The following LPCAT1 variants were observed in gnomAD, a reference collection of about 807,000 sequenced individuals.
LPCAT1 encodes the protein lysophosphatidylcholine acyltransferase 1.
In LPCAT1, 23 loss-of-function variants were observed where a neutral mutation model predicts 60.9. That is an observed-to-expected ratio of 0.38 (90% CI 0.27 to 0.53). The LOEUF is 0.53. LPCAT1 is among the 20% of genes least tolerant of loss of function. The pLI is 0.82. For synonymous variants in LPCAT1, 340 were observed against 301.1 expected (o/e 1.13, Z -1.34); for missense variants, 622 against 723.6 (o/e 0.86, Z 1.61).
At chr5:1,473,108 TG>T (rs1357403906) in intron 11 of LPCAT1, among the ~76,000 whole-genome samples, 3 of 152,122 alleles carry the variant, frequency 2.0e-5, no homozygotes, top group African/African-American at 7.2e-5. Context: ...GCTCCTCACC[TG>T]CTCTCTGGCC....
chr5:1,499,519 T>G (rs1014368414), intron 2 of LPCAT1, among the ~76,000 whole-genome samples: 3 of 152,232 alleles, frequency 2.0e-5, no homozygotes, highest in Non-Finnish European at 4.4e-5. Context: ...GATACCCAAT[T>G]CCTATTTTAT....
At chr5:1,468,205 T>C (rs1378621866) in intron 12 of LPCAT1, among the ~76,000 whole-genome samples, 1 of 152,146 alleles carries the variant, frequency 6.6e-6, no homozygotes, top group Non-Finnish European at 1.5e-5. Context: ...GACCCCATCC[T>C]CACCCTCCAC....
intron 5 of LPCAT1, among the ~76,000 whole-genome samples, chr5:1,486,199 G>A (rs1250564439): frequency 6.6e-6 from 1 of 152,188 alleles, no homozygotes; most frequent in Admixed American, 6.5e-5. Flanking sequence ...GCAGAGCCCT[G>A]AGGGTCCCAG....
rs1391226542 is a variant in LPCAT1, at chr5:1,502,219, C to T, written c.136-616G>A. Among the ~76,000 whole-genome samples the T allele has an allele frequency of 6.6e-6, 1 of 152,162 alleles. No individual in the cohort carries two copies. Among genetic ancestry groups the T allele is most frequent in the Admixed American group, 6.5e-5 (1 of 15,286 alleles). On this transcript the variant is annotated intron_variant, in intron 1 of 13. Coordinates refer to ENST00000283415, the MANE Select transcript of LPCAT1 (RefSeq NM_024830.5). This position sits in a 1 kb window ranked among gnomAD's most constrained non-coding sequence, Gnocchi z 5.5. The stretch of plus-strand genomic sequence containing the variant: ...CCACTCTGACGCACAGCACACAACC[C>T]CAGGCAGCTCCACCCCGCAGGACGC...
At chr5:1,520,860 CAAAAAAAAAAAAAA>C (rs59074953) in intron 1 of LPCAT1, among the ~76,000 whole-genome samples, 3 of 82,046 alleles carry the variant, frequency 3.7e-5, no homozygotes, top group Non-Finnish European at 6.9e-5. Context: ...GAGACTGTCT[CAAAAAAAAAAAAAA>C]AAAAAGAAAA....
chr5:1,501,266 G>T (rs1234917371), intron 2 of LPCAT1, among the ~76,000 whole-genome samples, 195 bp downstream of exon 2: 1 of 152,178 alleles, frequency 6.6e-6, no homozygotes, highest in Non-Finnish European at 1.5e-5. Flanking sequence ...CTGTGGCGGA[G>T]GCGTGGAAGA....
At position 1,468,104 on chromosome 5, in the gene LPCAT1, C is replaced by T. The variant is rs1008391916; in HGVS notation, c.1279-1214G>A. On this transcript the variant is annotated intron_variant, in intron 12 of 13. Transcript: ENST00000283415. ...AGGGAAGAAACGCTGACGCCTCCAG[C>T]CTTCCGGCCTGGCAAGCTGTCCCCG... 2.0e-5 allele frequency among the ~76,000 whole-genome samples: 3 copies of T among 152,172 alleles called. No individual in the cohort carries two copies. The East Asian group carries it at 5.8e-4, about 29-fold the overall frequency.
At chr5:1,465,072 C>T (rs920396860) in intron 13 of LPCAT1, among the ~76,000 whole-genome samples, 7 of 121,766 alleles carry the variant, frequency 5.7e-5, no homozygotes, top group African/African-American at 1.9e-4. Flanking sequence ...CACGCACACA[C>T]ACGGTAACAC....
At chr5:1,517,786 C>T (rs545058711) in intron 1 of LPCAT1, among the ~76,000 whole-genome samples, 4 of 152,276 alleles carry the variant, frequency 2.6e-5, no homozygotes, top group African/African-American at 4.8e-5. Flanking sequence ...ACAGAGGCGA[C>T]GTGTCAAATT....
chr5:1,504,857 C>T lies in LPCAT1; in HGVS notation c.136-3254G>A, dbSNP rs75579499. Among the ~76,000 whole-genome samples, 726 of 148,858 alleles carry T rather than the reference C, an allele frequency of 4.9e-3. 5 individuals are homozygous for T. The highest frequency in any genetic ancestry group is 7.3e-3 in the Non-Finnish European group (477 of 65,716). ...TAAGAGAAAGTCTCAGGAAGTTCCCCGGTCTGACCCTGGGGCCACGGCAGC... is the reference window on the plus strand; with the variant it reads ...TAAGAGAAAGTCTCAGGAAGTTCCCTGGTCTGACCCTGGGGCCACGGCAGC... On this transcript the variant is annotated intron_variant, in intron 1 of 13. Transcript: ENST00000283415.
rs1210719569 is a variant in LPCAT1, at chr5:1,496,430, A to G, written c.279-1516T>C. Among the ~76,000 whole-genome samples the G allele has an allele frequency of 6.6e-6, 1 of 151,928 alleles. No individual in the cohort carries two copies. Among genetic ancestry groups the G allele is most frequent in the East Asian group, 1.9e-4 (1 of 5,198 alleles). On this transcript the variant is annotated intron_variant, in intron 2 of 13. Coordinates refer to ENST00000283415, the MANE Select transcript of LPCAT1 (RefSeq NM_024830.5). The surrounding 1 kb of genome is among the most constrained non-coding windows in gnomAD (Gnocchi z 4.7). ...TGTTATTTTCCACAAAAAAAAAAAA[A>G]AAGTACAAAAACAAAAGCCAAAAGA... is the stretch of plus-strand genomic sequence containing the variant.
chr5:1,479,514 C>A (rs1735047682), intron 8 of LPCAT1, 107 bp downstream of exon 8: 1 of 822,736 alleles, frequency 1.2e-6, no homozygotes, highest in Non-Finnish European at 2.1e-6. Flanking sequence ...GAAAGCAAGA[C>A]AGGTGATATG....
rs988256253 is a variant in LPCAT1 at position 1,480,146 on chromosome 5, G to A, written c.762-471C>T. Reference sequence around the variant, plus strand: ...CTCCCAGGGCCACACTCACGCCTCCGACAGCCCAGTGCCCCAACCCTCTTT... The same window carrying A: ...CTCCCAGGGCCACACTCACGCCTCCAACAGCCCAGTGCCCCAACCCTCTTT... On this transcript the variant is annotated intron_variant, in intron 7 of 13. Transcript: ENST00000283415. The surrounding 1 kb of genome is among the most constrained non-coding windows in gnomAD (Gnocchi z 6.4). Among the ~76,000 whole-genome samples, 1 of 151,652 alleles carries A rather than the reference G, an allele frequency of 6.6e-6. No individual in the cohort carries two copies. Among genetic ancestry groups the A allele is most frequent in the Non-Finnish European group, 1.5e-5 (1 of 67,924 alleles).
At chr5:1,512,425 T>C (rs1579813604) in intron 1 of LPCAT1, among the ~76,000 whole-genome samples, 2 of 152,204 alleles carry the variant, frequency 1.3e-5, no homozygotes, top group South Asian at 2.1e-4. Flanking sequence ...AAGCACCCAG[T>C]GTCCATGCTT....
chr5:1,518,393 T>C lies in LPCAT1; in HGVS notation c.135+5317A>G, dbSNP rs1397822905. The stretch of plus-strand genomic sequence containing the variant: ...TCCGGCTCTGTCGCCCAGGCTGGAG[T>C]GCAGTGGTGCGATCTCCGCTCACTG... On this transcript the variant is annotated intron_variant, in intron 1 of 13. Coordinates refer to ENST00000283415, the MANE Select transcript of LPCAT1 (RefSeq NM_024830.5). 2.0e-5 allele frequency among the ~76,000 whole-genome samples: 3 copies of C among 152,298 alleles called. No individual in the cohort carries two copies. The East Asian group carries it at 5.8e-4, about 29-fold the overall frequency.
chr5:1,465,733 GAAAC>G (rs750903293), intron 13 of LPCAT1, among the ~76,000 whole-genome samples: 36 of 151,952 alleles, frequency 2.4e-4, no homozygotes, highest in Non-Finnish European at 7.4e-5. Flanking sequence ...TTTCAATACT[GAAAC>G]AAGCATGCAC....
Position 1,523,370 on chromosome 5 carries a change from G to A in LPCAT1, c.135+340C>T, listed in dbSNP as rs1031574202. 5.3e-5 allele frequency among the ~76,000 whole-genome samples: 8 copies of A among 151,846 alleles called. No homozygotes were observed. The highest frequency in any genetic ancestry group is 1.2e-4 in the Non-Finnish European group (8 of 67,910). ...CCGCGGGAGCCGAGGTCGGGGCTCT[G>A]GGAGGCAGAGAAAGGGTTGTGGGCC... On this transcript the variant is annotated intron_variant, in intron 1 of 13. Coordinates refer to ENST00000283415, the MANE Select transcript of LPCAT1 (RefSeq NM_024830.5). This position sits in a 1 kb window ranked among gnomAD's most constrained non-coding sequence, Gnocchi z 7.1.
In LPCAT1 at chr5:1,522,142, C is replaced by A. The variant is rs1222659186; in HGVS notation, c.135+1568G>T. On this transcript the variant is annotated intron_variant, in intron 1 of 13. Coordinates refer to ENST00000283415, the MANE Select transcript of LPCAT1 (RefSeq NM_024830.5). This position sits in a 1 kb window ranked among gnomAD's most constrained non-coding sequence, Gnocchi z 6.8. ...GCTGGGGAAGCCCTGGAAACCACAG[C>A]AGGGGTTCGAATTTCATCCGGGGGC... Among the ~76,000 whole-genome samples, 1 of 152,138 alleles carries A rather than the reference C, an allele frequency of 6.6e-6. No homozygotes were observed. Among genetic ancestry groups the A allele is most frequent in the Non-Finnish European group, 1.5e-5 (1 of 68,010 alleles).
At chr5:1,515,016 G>C (rs575934786) in intron 1 of LPCAT1, among the ~76,000 whole-genome samples, 1 of 152,334 alleles carries the variant, frequency 6.6e-6, no homozygotes, top group Admixed American at 6.5e-5. Context: ...CAGAAAGCCA[G>C]TGGGGCCCTG....
Sources: allele counts gnomAD v4.1 joint callset (sites outside exome capture counted in the v4.1 genomes callset), GRCh38; gene constraint gnomAD v4.1.1; non-coding constraint Gnocchi (gnomAD v3.1); transcripts MANE v1.5; gene names NCBI Gene and HGNC (gene_info 2026-07-23, HGNC 2026-07-21).